FARP2: variants seen among roughly 807,000 people sequenced by gnomAD.
FARP2 encodes the protein FERM, ARHGEF and pleckstrin domain-containing protein 2.
In FARP2, 111 loss-of-function variants were observed where a neutral mutation model predicts 130.5. The ratio of observed to expected loss-of-function variants is 0.85; its 90% confidence interval spans 0.73 to 1.00. The LOEUF is 1.00. Ranked by LOEUF, FARP2 falls within the 50% of genes least tolerant of loss-of-function variation. The pLI is 0.00. For missense variants in FARP2, 1,385 were observed against 1,346.3 expected, an observed-to-expected ratio of 1.03 and a Z score of -0.45; for synonymous variants, 504 against 516.9, an observed-to-expected ratio of 0.98 and a Z score of 0.34.
chr2:241,439,575 C>T (rs374740949), intron 12 of FARP2, among the ~76,000 whole-genome samples: 4 of 152,016 alleles, frequency 2.6e-5, no homozygotes, highest in African/African-American at 7.2e-5. Context: ...ATGATCCGCC[C>T]GACTCGGCCT....
intron 19 of FARP2, among the ~76,000 whole-genome samples, chr2:241,480,029 A>G (rs1197756846): frequency 6.6e-6 from 1 of 152,198 alleles, no homozygotes; most frequent in Non-Finnish European, 1.5e-5. Flanking sequence ...TTTAGAAACC[A>G]CTGCCCACAT....
chr2:241,384,410 T>G (rs1302413796), intron 2 of FARP2, among the ~76,000 whole-genome samples: 1 of 152,178 alleles, frequency 6.6e-6, no homozygotes, highest in Non-Finnish European at 1.5e-5. Context: ...CAGAAAGATA[T>G]TCTTTCCTCC....
At chr2:241,424,541 C>G (rs2062884421) in intron 8 of FARP2, among the ~76,000 whole-genome samples, 1 of 152,036 alleles carries the variant, frequency 6.6e-6, no homozygotes, top group Admixed American at 6.6e-5. Context: ...AACATCTCAA[C>G]TAAAAGAACT....
chr2:241,438,668 C>T (rs902127754), intron 12 of FARP2, among the ~76,000 whole-genome samples: 1 of 138,218 alleles, frequency 7.2e-6, no homozygotes, highest in Admixed American at 8.0e-5. Context: ...CTCGCTCTGT[C>T]GCCCAGGCTG....
At chr2:241,457,465 G>A (rs1273483538) in intron 14 of FARP2, among the ~76,000 whole-genome samples, 15 of 127,586 alleles carry the variant, frequency 1.2e-4, no homozygotes, top group East Asian at 6.9e-4. Context: ...GGGTACACTA[G>A]GGACCGCTTT....
intron 13 of FARP2, chr2:241,447,274 G>T (rs2063533896): frequency 6.6e-6 from 1 of 152,120 alleles, no homozygotes; most frequent in South Asian, 2.1e-4. Flanking sequence ...CATCTTCATA[G>T]GCTTCTGAGC....
chr2:241,411,454 A>G (rs1405709167), intron 6 of FARP2, among the ~76,000 whole-genome samples: 1 of 152,228 alleles, frequency 6.6e-6, no homozygotes, highest in Non-Finnish European at 1.5e-5. Flanking sequence ...ATATAAACCA[A>G]ACTCTGAGCA....
At chr2:241,381,115 C>T (rs1457639882) in intron 2 of FARP2, among the ~76,000 whole-genome samples, 1 of 152,180 alleles carries the variant, frequency 6.6e-6, no homozygotes, top group Admixed American at 6.5e-5. Context: ...GGTGTTCTGC[C>T]AGTCTCTTTG....
chr2:241,357,266 G>T (rs2061090407), intron 1 of FARP2, among the ~76,000 whole-genome samples: 1 of 152,108 alleles, frequency 6.6e-6, no homozygotes, highest in Non-Finnish European at 1.5e-5. Context: ...TTTTTGTCTG[G>T]GCCACTGTGT....
intron 17 of FARP2, chr2:241,465,661 C>T: frequency 6.4e-7 from 1 of 1,550,912 alleles, no homozygotes; most frequent in Middle Eastern, 1.7e-4. Flanking sequence ...GAACAGTTCT[C>T]CCTCCCTCTC....
rs766057038 is a variant in FARP2 at position 241,441,528 on chromosome 2, C to T, written c.1383C>T (p.Leu461=). 8.4e-5 allele frequency: 136 copies of T among 1,613,978 alleles called. No homozygotes were observed. Among genetic ancestry groups the T allele is most frequent in the Admixed American group, 3.3e-4 (20 of 60,006 alleles). ...GGPDTPSAQP[L]GPPALQPGPG... ...CCGACACACCATCGGCCCAGCCCCTCGGGCCCCCCGCACTCCAGCCTGGTC... is the reference window on the plus strand; with the variant it reads ...CCGACACACCATCGGCCCAGCCCCTTGGGCCCCCCGCACTCCAGCCTGGTC... Residue 461 remains leucine (L), a synonymous_variant, in exon 13 of 27, where the codon CTC becomes CTT. Coordinates refer to ENST00000264042, the MANE Select transcript of FARP2 (RefSeq NM_014808.4).
At chr2:241,362,414 T>C (rs1336302565) in intron 1 of FARP2, among the ~76,000 whole-genome samples, 1 of 151,830 alleles carries the variant, frequency 6.6e-6, no homozygotes, top group Non-Finnish European at 1.5e-5. Flanking sequence ...TCATCCTGGC[T>C]AACATGGTGA....
At chr2:241,464,130 G>C (rs928140014) in intron 17 of FARP2, 150 bp downstream of exon 17, 2 of 634,992 alleles carry the variant, frequency 3.1e-6, no homozygotes, top group African/African-American at 3.7e-5. Flanking sequence ...CCTTAGAACA[G>C]GGCCCCCTCA....
At chr2:241,391,318 G>C (rs2150328142) in intron 2 of FARP2, among the ~76,000 whole-genome samples, 1 of 152,304 alleles carries the variant, frequency 6.6e-6, no homozygotes, top group Non-Finnish European at 1.5e-5. Context: ...TCTGGTGTTT[G>C]GCATACACTG....
At chr2:241,400,848 A>G (rs1360562473) in intron 2 of FARP2, among the ~76,000 whole-genome samples, 1 of 152,108 alleles carries the variant, frequency 6.6e-6, no homozygotes, top group African/African-American at 2.4e-5. Flanking sequence ...GCCCACAGTG[A>G]GTTAGTGCAG....
intron 13 of FARP2, among the ~76,000 whole-genome samples, chr2:241,454,937 G>T (rs969890354): frequency 6.6e-6 from 1 of 151,996 alleles, no homozygotes; most frequent in African/African-American, 2.4e-5. Context: ...TCTTTCCAGG[G>T]CTCCTGATTT....
chr2:241,491,063 C>A lies in FARP2; in HGVS notation c.2507C>A (p.Thr836Asn). The A allele has an allele frequency of 1.2e-6, 2 of 1,612,388 alleles. No homozygotes were observed. The highest frequency in any genetic ancestry group is 1.7e-6 in the Non-Finnish European group (2 of 1,178,874). Reference sequence around the variant, plus strand: ...GAGCCTTGCCCTTCTCCCTGCAGCACTCGGCTGGAGAAAGAGAAGTGGATG... The same window carrying A: ...GAGCCTTGCCCTTCTCCCTGCAGCAATCGGCTGGAGAAAGAGAAGTGGATG... ...AQKTIVVAASTRLEKEKWMLD... is the reference protein window; with the variant it reads ...AQKTIVVAASNRLEKEKWMLD... Residue 836 changes from threonine to asparagine, a missense_variant and splice_region_variant, in exon 23 of 27, where the codon ACT becomes AAT. Coordinates refer to ENST00000264042, the MANE Select transcript of FARP2 (RefSeq NM_014808.4).
chr2:241,398,281 T>C (rs375506583), intron 2 of FARP2, among the ~76,000 whole-genome samples: 51 of 152,338 alleles, frequency 3.3e-4, no homozygotes, highest in African/African-American at 1.2e-3. Context: ...TGTGCCTGTC[T>C]CAGTTATGAC....
rs760299056 is a variant in FARP2 at position 241,463,342 on chromosome 2, G to A, written c.1685G>A (p.Arg562His). 9 of 1,613,740 alleles carry A rather than the reference G, an allele frequency of 5.6e-6. 1 individual carries two copies. In the Admixed American group the frequency reaches 6.7e-5, roughly 12 times the overall value. Residue 562 changes from arginine to histidine, a missense_variant, in exon 16 of 27, where the codon CGC (arginine) becomes CAC (histidine). Arg to His is a conservative substitution (Grantham distance 29). Transcript: ENST00000264042. ...ACCACACTCTTCCCACAGTGGTTCC[G>A]CAGCGCAGTGGTGAAGGAGGACGCC... ...KDLEVITVWF[R>H]SAVVKEDAMP...
Sources: allele counts gnomAD v4.1 joint callset (sites outside exome capture counted in the v4.1 genomes callset), GRCh38; gene constraint gnomAD v4.1.1; transcripts MANE v1.5; gene names NCBI Gene and HGNC (gene_info 2026-07-23, HGNC 2026-07-21).